SPPL3: variants seen among roughly 807,000 people sequenced by gnomAD.
SPPL3 encodes signal peptide peptidase like 3.
In SPPL3, 5 loss-of-function variants were observed where a neutral mutation model predicts 42.4. The observed-to-expected ratio is 0.12, with a 90% CI of 0.06 to 0.25. The LOEUF (loss-of-function observed/expected upper bound fraction) is 0.25, where lower values mean the gene tolerates loss of function less well. SPPL3 is among the 10% of genes least tolerant of loss of function. SPPL3 has a pLI of 1.00. For missense variants in SPPL3, 235 were observed against 489.0 expected (o/e 0.48, Z 4.90); for synonymous variants, 195 against 181.8 (o/e 1.07, Z -0.58).
At chr12:120,902,891 C>T (rs1263428290) in intron 1 of SPPL3, among the ~76,000 whole-genome samples, 1 of 152,184 alleles carries the variant, frequency 6.6e-6, no homozygotes, top group Non-Finnish European at 1.5e-5. Context: ...ATTCCTTCAA[C>T]CCGTCCTGCA....
chr12:120,865,131 C>A (rs1872721437), intron 1 of SPPL3, among the ~76,000 whole-genome samples: 1 of 152,176 alleles, frequency 6.6e-6, no homozygotes, highest in Non-Finnish European at 1.5e-5. Flanking sequence ...AAGTGCTAAT[C>A]TAGAGAAACA....
At chr12:120,814,037 A>G (rs1265119400) in intron 1 of SPPL3, among the ~76,000 whole-genome samples, 2 of 152,184 alleles carry the variant, frequency 1.3e-5, no homozygotes, top group Non-Finnish European at 2.9e-5. Context: ...AAATAATATG[A>G]TTTAAGATTT....
At chr12:120,860,634 T>C (rs936028771) in intron 1 of SPPL3, among the ~76,000 whole-genome samples, 1 of 152,218 alleles carries the variant, frequency 6.6e-6, no homozygotes, top group Admixed American at 6.5e-5. Context: ...TTTTTGTTTC[T>C]TTTTTCTGGT....
rs185259088 is a variant in SPPL3, at chr12:120,886,126, A to C, written c.23+17719T>G. On this transcript the variant is annotated intron_variant, in intron 1 of 10. Coordinates refer to ENST00000353487, the MANE Select transcript of SPPL3 (RefSeq NM_139015.5). ...CCCAAGTGCTGGGATTACAGGCGTGAGCCACCACGCCCGGCCAAAAAAAAA... is the reference window on the plus strand; with the variant it reads ...CCCAAGTGCTGGGATTACAGGCGTGCGCCACCACGCCCGGCCAAAAAAAAA... 4.6e-3 allele frequency among the ~76,000 whole-genome samples: 697 copies of C among 151,526 alleles called. 2 individuals are homozygous for C. Among genetic ancestry groups the C allele is most frequent in the Non-Finnish European group, 7.1e-3 (483 of 67,840 alleles).
chr12:120,813,575 C>T (rs1197735737), intron 1 of SPPL3, among the ~76,000 whole-genome samples: 1 of 151,996 alleles, frequency 6.6e-6, no homozygotes, highest in Non-Finnish European at 1.5e-5. Flanking sequence ...CCCGCCTCGG[C>T]CTCTCAAAGT....
chr12:120,869,986 G>A (rs527661160), intron 1 of SPPL3, among the ~76,000 whole-genome samples: 1 of 152,292 alleles, frequency 6.6e-6, no homozygotes, highest in Non-Finnish European at 1.5e-5. Context: ...ATTTGTCAGT[G>A]ACATAAAGCC....
intron 1 of SPPL3, among the ~76,000 whole-genome samples, chr12:120,901,092 G>T (rs1873968596): frequency 6.6e-6 from 1 of 152,092 alleles, no homozygotes; most frequent in Non-Finnish European, 1.5e-5. Context: ...AATGATGGGA[G>T]AATTCATGTC....
chr12:120,783,820 C>T (rs1216520911), intron 4 of SPPL3, 68 bp from the exon 5 acceptor site: 26 of 1,405,362 alleles, frequency 1.9e-5, no homozygotes, highest in Non-Finnish European at 2.6e-5. Context: ...ATAGAAACTT[C>T]ATTCCGCCAA....
chr12:120,897,763 T>C (rs770424889), intron 1 of SPPL3, among the ~76,000 whole-genome samples: 24 of 152,288 alleles, frequency 1.6e-4, no homozygotes, highest in Admixed American at 1.1e-3. Context: ...CTAAAGTCTA[T>C]AATGCTAGAC....
chr12:120,859,445 T>C (rs562868700), intron 1 of SPPL3, among the ~76,000 whole-genome samples: 2 of 152,230 alleles, frequency 1.3e-5, no homozygotes, highest in Admixed American at 6.5e-5. Flanking sequence ...TTTCAAGCAA[T>C]AACTGAAGTT....
intron 1 of SPPL3, among the ~76,000 whole-genome samples, chr12:120,880,100 A>C (rs1873232243): frequency 6.6e-6 from 1 of 151,090 alleles, no homozygotes; most frequent in East Asian, 1.9e-4. Context: ...GACTCACACC[A>C]CTCAACAGGC....
chr12:120,876,449 T>TA (rs1402303344), intron 1 of SPPL3, among the ~76,000 whole-genome samples: 66 of 148,618 alleles, frequency 4.4e-4, no homozygotes, highest in African/African-American at 1.2e-3. Flanking sequence ...CCGTCTCTAC[T>TA]AAAAAAAAAT....
At chr12:120,833,766 AGT>A (rs71076664) in intron 1 of SPPL3, among the ~76,000 whole-genome samples, 9,997 of 146,498 alleles carry the variant, frequency 0.068, 517 homozygotes, top group African/African-American at 0.15. Flanking sequence ...TGAGTTTTAA[AGT>A]GTGTGTGTGT....
In SPPL3 at chr12:120,769,056, AGTGCT is replaced by A; in HGVS notation, c.503-2_505del. ...CATGGCGACACAGAGGCCCATGGCCAGTGCTGGGGAGGAGACAGGGTACAGCAGAC... is the reference window on the plus strand; with the variant it reads ...CATGGCGACACAGAGGCCCATGGCCAGGGGAGGAGACAGGGTACAGCAGAC... On this transcript the variant is annotated splice_acceptor_variant and coding_sequence_variant, in exon 7 of 11. Transcript: ENST00000353487. LOFTEE classifies it high-confidence loss of function. 1 of 1,603,282 alleles carries A rather than the reference AGTGCT, an allele frequency of 6.2e-7. No individual in the cohort carries two copies. The highest frequency in any genetic ancestry group is 8.5e-7 in the Non-Finnish European group (1 of 1,175,712).
intron 1 of SPPL3, among the ~76,000 whole-genome samples, chr12:120,900,686 C>T (rs1183791873): frequency 6.6e-6 from 1 of 151,384 alleles, no homozygotes; most frequent in Admixed American, 6.6e-5. Flanking sequence ...CCCAGGCAGA[C>T]TGCTTGAGGT....
intron 1 of SPPL3, among the ~76,000 whole-genome samples, chr12:120,851,244 G>C (rs1458430862): frequency 1.3e-5 from 2 of 152,174 alleles, no homozygotes. Context: ...TGGCCCTAGA[G>C]ACCATGTAGC....
intron 1 of SPPL3, among the ~76,000 whole-genome samples, chr12:120,842,343 A>C (rs545196119): frequency 6.6e-6 from 1 of 152,296 alleles, no homozygotes; most frequent in Non-Finnish European, 1.5e-5. Flanking sequence ...CCTTGACCTA[A>C]GATAAGGGCA....
intron 1 of SPPL3, among the ~76,000 whole-genome samples, chr12:120,839,331 G>A (rs568410315): frequency 5.8e-5 from 8 of 136,870 alleles, no homozygotes; most frequent in Non-Finnish European, 1.2e-4. Flanking sequence ...ACACAGGAAG[G>A]GGAACATCAC....
intron 1 of SPPL3, among the ~76,000 whole-genome samples, chr12:120,860,150 C>G (rs1304941647): frequency 6.6e-6 from 1 of 152,104 alleles, no homozygotes; most frequent in African/African-American, 2.4e-5. Flanking sequence ...CTGCAGTGAG[C>G]CATGATCATG....
Sources: gnomAD v4.1 joint callset for allele counts (sites outside exome capture counted in the v4.1 genomes callset) on GRCh38, gnomAD v4.1.1 for gene constraint, MANE v1.5 for transcripts, NCBI Gene and HGNC (gene_info 2026-07-23, HGNC 2026-07-21) for gene names.